EFCC1: variants seen among roughly 807,000 people sequenced by gnomAD.
The protein encoded by EFCC1 is EF-hand and coiled-coil domain containing 1, also known as EF-hand and coiled-coil domain-containing protein 1.
EFCC1 carries 50 observed loss-of-function variants against 52.1 expected under a neutral mutation model. That is an observed-to-expected ratio of 0.96 (90% confidence interval 0.76 to 1.21). The LOEUF (loss-of-function observed/expected upper bound fraction) is 1.21. Among genes scored for constraint, EFCC1 ranks in the 50% most tolerant of loss-of-function variants. The probability of loss-of-function intolerance (pLI) is 0.00; values close to 1 mark genes in which losing one functional copy is unlikely to be tolerated. For synonymous variants in EFCC1, 399 were observed against 396.5 expected, an observed-to-expected ratio of 1.01 and a Z score of -0.08; for missense variants, 837 against 867.3, an observed-to-expected ratio of 0.97 and a Z score of 0.44.
chr3:129,032,613 C>T (rs144608987), intron 3 of EFCC1, among the ~76,000 whole-genome samples: 22 of 152,314 alleles, frequency 1.4e-4, no homozygotes, highest in Middle Eastern at 3.4e-3. Context: ...TGGCCAGCTT[C>T]ACTCCTGGGC....
intron 3 of EFCC1, among the ~76,000 whole-genome samples, chr3:129,032,525 GAAAAAGAAA>G (rs1192696847): frequency 6.6e-6 from 1 of 151,552 alleles, no homozygotes. Flanking sequence ...AAAAAAAAAA[GAAAAAGAAA>G]AGAAAGAGAA....
rs934733163 is a variant in EFCC1, at chr3:129,001,919, G to C, written c.291G>C (p.Gly97=). The change falls in exon 1 of 8, where the codon GGG becomes GGC. Residue 97 remains glycine, a synonymous_variant. Coordinates refer to ENST00000683648, the MANE Select transcript of EFCC1 (RefSeq NM_001377500.1). ...GCGCGGAGGGGGCCACCACGGCCGG[G>C]CAGGCAGCAGGTGACGGGAACTCCA... The part of the protein sequence containing the change: ...GLRAEGATTA[G]QAAGDGNSRD... The C allele has an allele frequency of 1.9e-6, 3 of 1,538,824 alleles. No homozygotes were observed. The highest frequency in any genetic ancestry group is 1.8e-6 in the Non-Finnish European group (2 of 1,141,136).
Position 129,002,209 on chromosome 3 carries a change from G to C in EFCC1, c.581G>C (p.Gly194Ala). The change falls in exon 1 of 8, where the codon GGT (glycine) becomes GCT (alanine). Residue 194 changes from glycine (G) to alanine (A), a missense_variant. Gly to Ala is a moderately conservative substitution (Grantham distance 60). Transcript: ENST00000683648. ...RPPCAPGPDS[G>A]PDCERVARLE... ...CCCTGCGCGCCTGGCCCCGACAGCG[G>C]TCCTGACTGTGAGCGCGTTGCGCGG... 2.0e-6 allele frequency: 3 copies of C among 1,526,694 alleles called. No individual in the cohort carries two copies. The highest frequency in any genetic ancestry group is 2.6e-6 in the Non-Finnish European group (3 of 1,142,562). 94.6% of individuals were successfully genotyped at this position (1,526,694 alleles called of 1,614,324 possible).
At chr3:129,018,122 C>T (rs1181212567) in intron 2 of EFCC1, among the ~76,000 whole-genome samples, 4 of 152,176 alleles carry the variant, frequency 2.6e-5, no homozygotes, top group Admixed American at 2.6e-4. Flanking sequence ...TATTCTATAA[C>T]CTAATAGGAT....
intron 2 of EFCC1, among the ~76,000 whole-genome samples, chr3:129,019,749 C>T (rs934822532): frequency 1.1e-4 from 16 of 141,810 alleles, no homozygotes; most frequent in Non-Finnish European, 1.7e-4. Context: ...TTTTATTTAA[C>T]TTTGATTAAA....
Position 129,039,719 on chromosome 3 carries a change from GC to G in EFCC1, c.1674del (p.Ser559AlafsTer68). 1 of 1,601,962 alleles carries G rather than the reference GC, an allele frequency of 6.2e-7. No homozygotes were observed. Among genetic ancestry groups the G allele is most frequent in the Non-Finnish European group, 8.5e-7 (1 of 1,172,300 alleles). On this transcript the variant is annotated frameshift_variant, in exon 8 of 8. Coordinates refer to ENST00000683648, the MANE Select transcript of EFCC1 (RefSeq NM_001377500.1). LOFTEE classifies it low-confidence loss of function (END_TRUNC). Reference protein sequence around the residue: ...AFRDPTHEGRPSPAAILDALH... With the variant: ...AFRDPTHEGRXSPAAILDALH... ...CCTGCTGTTTCCCTCCAGAGGGAAG[GC>G]CCAGCCCTGCAGCCATCCTGGATGC... is the stretch of plus-strand genomic sequence containing the variant.
intron 2 of EFCC1, among the ~76,000 whole-genome samples, chr3:129,023,353 G>C (rs888940065): frequency 2.1e-5 from 3 of 145,102 alleles, no homozygotes; most frequent in Admixed American, 1.4e-4. Flanking sequence ...GTCTTGCTCA[G>C]TCACCCAGGC....
chr3:129,009,874 T>G (rs1945240783), intron 2 of EFCC1, among the ~76,000 whole-genome samples: 1 of 152,174 alleles, frequency 6.6e-6, no homozygotes, highest in Admixed American at 6.5e-5. Context: ...GGGGACTCTG[T>G]AACCTCGCCA....
chr3:129,038,633 A>G (rs1946385504), intron 6 of EFCC1, among the ~76,000 whole-genome samples, 198 bp from the exon 7 acceptor site: 1 of 151,968 alleles, frequency 6.6e-6, no homozygotes. Flanking sequence ...CCACTGCCCC[A>G]CTCGCCCTCC....
chr3:129,029,658 C>G (rs1946228519), intron 2 of EFCC1, among the ~76,000 whole-genome samples: 2 of 147,732 alleles, frequency 1.4e-5, no homozygotes, highest in Admixed American at 1.3e-4. Context: ...CTCACTGCAG[C>G]CTCCACCTCC....
chr3:129,003,935 G>A lies in EFCC1; in HGVS notation c.838G>A (p.Glu280Lys). Reference sequence around the variant, plus strand: ...TGGGCGGCTGCGCCGTGGCCAGGCCGAGGTGCGGCGGCGCGCGGAGGAGGC... The same window carrying A: ...TGGGCGGCTGCGCCGTGGCCAGGCCAAGGTGCGGCGGCGCGCGGAGGAGGC... ...RAGRLRRGQA[E>K]VRRRAEEARQ... Residue 280 changes from glutamate to lysine, a missense_variant, in exon 2 of 8, where the codon GAG (glutamate) becomes AAG (lysine). Coordinates refer to ENST00000683648, the MANE Select transcript of EFCC1 (RefSeq NM_001377500.1). 9 of 1,391,538 alleles carry A rather than the reference G, an allele frequency of 6.5e-6. No individual in the cohort carries two copies. The highest frequency in any genetic ancestry group is 1.5e-5 in the South Asian group (1 of 64,838). 86.2% of individuals were successfully genotyped at this position (1,391,538 alleles called of 1,614,324 possible). A position where few individuals can be genotyped will look rare whatever the true frequency, so the allele number is the denominator to read the frequency against.
chr3:129,022,798 C>T (rs912166934), intron 2 of EFCC1, among the ~76,000 whole-genome samples: 4 of 152,144 alleles, frequency 2.6e-5, no homozygotes, highest in Admixed American at 2.0e-4. Context: ...CCATTTCCCC[C>T]ATGGCTCCCG....
intron 2 of EFCC1, among the ~76,000 whole-genome samples, chr3:129,011,841 C>G (rs534534317): frequency 6.6e-6 from 1 of 152,304 alleles, no homozygotes; most frequent in South Asian, 2.1e-4. Flanking sequence ...CTTTGCACCC[C>G]TCCCAGAGAG....
rs1160956856 is a variant in EFCC1 at position 129,039,789 on chromosome 3, C to T, written c.1741C>T (p.Pro581Ser). Residue 581 changes from proline to serine, a missense_variant, in exon 8 of 8, where the codon CCC (proline) becomes TCC (serine). Transcript: ENST00000683648. Reference sequence around the variant, plus strand: ...TGCCTGCCAGCTGTTGCGGAGACAGCCCTCGGCACCAGCCTCTGCAGCAGC... The same window carrying T: ...TGCCTGCCAGCTGTTGCGGAGACAGTCCTCGGCACCAGCCTCTGCAGCAGC... ...LAACQLLRRQPSAPASAAAAL... is the reference protein window; with the variant it reads ...LAACQLLRRQSSAPASAAAAL... 3 of 1,612,346 alleles carry T rather than the reference C, an allele frequency of 1.9e-6. No individual in the cohort carries two copies. In the Admixed American group the frequency reaches 5.0e-5, roughly 27 times the overall value.
At chr3:129,018,911 T>C (rs1945707928) in intron 2 of EFCC1, among the ~76,000 whole-genome samples, 1 of 152,112 alleles carries the variant, frequency 6.6e-6, no homozygotes, top group Non-Finnish European at 1.5e-5. Context: ...TGCGAGTGCA[T>C]CTTCTGGCTG....
At position 129,003,942 on chromosome 3, in the gene EFCC1, G is replaced by A; in HGVS notation, c.845G>A (p.Arg282Gln). The A allele has an allele frequency of 1.4e-6, 2 of 1,404,794 alleles. No individual in the cohort carries two copies. The highest frequency in any genetic ancestry group is 1.8e-6 in the Non-Finnish European group (2 of 1,083,446). 87.0% of individuals were successfully genotyped at this position (1,404,794 alleles called of 1,614,324 possible). A position where few individuals can be genotyped will look rare whatever the true frequency, so the allele number is the denominator to read the frequency against. The part of the protein sequence containing the change: ...GRLRRGQAEV[R>Q]RRAEEARQVV... Reference sequence around the variant, plus strand: ...CTGCGCCGTGGCCAGGCCGAGGTGCGGCGGCGCGCGGAGGAGGCCCGGCAG... The same window carrying A: ...CTGCGCCGTGGCCAGGCCGAGGTGCAGCGGCGCGCGGAGGAGGCCCGGCAG... Residue 282 changes from arginine (R) to glutamine (Q), a missense_variant, in exon 2 of 8, where the codon CGG becomes CAG. Transcript: ENST00000683648.
rs1328669929 is a variant in EFCC1 at position 129,001,870 on chromosome 3, C to G, written c.242C>G (p.Ala81Gly). The change falls in exon 1 of 8, where the codon GCG (alanine) becomes GGG (glycine). Residue 81 changes from alanine to glycine, a missense_variant. By Grantham distance (60) the Ala-to-Gly change is moderately conservative (BLOSUM62 0). Transcript: ENST00000683648. Reference sequence around the variant, plus strand: ...CGTCTGCCCCGCGCCGACTTCCGAGCGCTCTGCGCTGTGCTGGGGCTGCGC... The same window carrying G: ...CGTCTGCCCCGCGCCGACTTCCGAGGGCTCTGCGCTGTGCTGGGGCTGCGC... The part of the protein sequence containing the change: ...AGRLPRADFR[A>G]LCAVLGLRAE... The G allele has an allele frequency of 5.2e-6, 8 of 1,545,540 alleles. No homozygotes were observed. The highest frequency in any genetic ancestry group is 1.7e-4 in the Middle Eastern group (1 of 5,990).
At chr3:129,028,965 T>C (rs531591038) in intron 2 of EFCC1, among the ~76,000 whole-genome samples, 1 of 152,264 alleles carries the variant, frequency 6.6e-6, no homozygotes, top group Non-Finnish European at 1.5e-5. Flanking sequence ...AAAGGTTTTC[T>C]TCGTGCAGCA....
intron 7 of EFCC1, 42 bp downstream of exon 7, chr3:129,038,942 G>T: frequency 6.4e-7 from 1 of 1,562,890 alleles, no homozygotes; most frequent in South Asian, 1.1e-5. Flanking sequence ...CGCAGTGGCT[G>T]GAGGGTGTCC....
Sources: allele counts gnomAD v4.1 joint callset (sites outside exome capture counted in the v4.1 genomes callset), GRCh38; gene constraint gnomAD v4.1.1; transcripts MANE v1.5; gene names NCBI Gene and HGNC (gene_info 2026-07-23, HGNC 2026-07-21).